DAB1: variants seen among roughly 807,000 people sequenced by gnomAD.
The protein encoded by DAB1 is disabled homolog 1.
In DAB1, 15 loss-of-function variants were observed where a neutral mutation model predicts 64.6. The ratio of observed to expected loss-of-function variants is 0.23; its 90% confidence interval spans 0.16 to 0.36. The LOEUF (loss-of-function observed/expected upper bound fraction) is 0.36. DAB1 is among the 10% of genes least tolerant of loss of function. The pLI, the probability that DAB1 is intolerant of heterozygous loss-of-function variation, is 1.00. For missense variants in DAB1, 596 were observed against 706.7 expected, an observed-to-expected ratio of 0.84 and a Z score of 1.78; for synonymous variants, 235 against 251.9, an observed-to-expected ratio of 0.93 and a Z score of 0.64.
chr1:58,173,398 C>T (rs1025860834), intron 4 of DAB1, among the ~76,000 whole-genome samples: 4 of 152,182 alleles, frequency 2.6e-5, no homozygotes, highest in Non-Finnish European at 4.4e-5. Context: ...CTCTTCCCTG[C>T]TTAACAAACA....
At chr1:58,384,384 G>C (rs969395828) in intron 3 of DAB1, among the ~76,000 whole-genome samples, 1 of 152,168 alleles carries the variant, frequency 6.6e-6, no homozygotes, top group Admixed American at 6.5e-5. Flanking sequence ...ATGAGGAGTT[G>C]TTGTTTAATG....
intron 3 of DAB1, among the ~76,000 whole-genome samples, chr1:58,387,798 C>T (rs2100552696): frequency 6.8e-6 from 1 of 146,888 alleles, no homozygotes. Flanking sequence ...GCAATCTCGG[C>T]TCACTGCAAG....
exon 1 of DAB1, chr1:57,884,023 C>T (rs2101973264): frequency 6.6e-6 from 1 of 152,302 alleles, no homozygotes; most frequent in Non-Finnish European, 1.5e-5. Flanking sequence ...ACAGTTCAGT[C>T]AATGTGTCCA....
rs1366219625 is a variant in DAB1 at position 57,308,259 on chromosome 1, GCAAA to G, written c.-136-17097_-136-17094del. Among the ~76,000 whole-genome samples the G allele has an allele frequency of 4.6e-5, 7 of 152,254 alleles. No homozygotes were observed. In the East Asian group the frequency reaches 1.4e-3, roughly 29 times the overall value. On this transcript the variant is annotated intron_variant, in intron 1 of 14. Coordinates refer to ENST00000371236, the MANE Select transcript of DAB1 (RefSeq NM_001365792.1). ...TTCCAGAGAGCAGCAAGCTAGTCCT[GCAAA>G]CAGTCATTCTCTTGACATCTGTGAT...
At chr1:58,411,310 C>T (rs1456791921) in intron 3 of DAB1, among the ~76,000 whole-genome samples, 1 of 152,116 alleles carries the variant, frequency 6.6e-6, no homozygotes, top group Non-Finnish European at 1.5e-5. Flanking sequence ...ATTATCTAGT[C>T]GCTGCAACAC....
intron 5 of DAB1, among the ~76,000 whole-genome samples, chr1:58,142,116 TGAATAAGAGGCATGGA>T (rs1188701295): frequency 6.6e-6 from 1 of 152,094 alleles, no homozygotes; most frequent in Non-Finnish European, 1.5e-5. Context: ...GCTCCATCCC[TGAATAAGAGGCATGGA>T]CACTCCTTCA....
chr1:57,057,904 G>T (rs190515214), intron 9 of DAB1, among the ~76,000 whole-genome samples: 4 of 152,072 alleles, frequency 2.6e-5, no homozygotes, highest in East Asian at 1.9e-4. Flanking sequence ...CACCGCGCCC[G>T]GCCTACTGAT....
chr1:58,417,520 G>C (rs560105804), intron 3 of DAB1, among the ~76,000 whole-genome samples: 1 of 151,946 alleles, frequency 6.6e-6, no homozygotes, highest in African/African-American at 2.4e-5. Context: ...CCCAGCAAGA[G>C]GCAATATCCA....
At chr1:58,346,829 T>A (rs1045351602) in intron 3 of DAB1, among the ~76,000 whole-genome samples, 2 of 152,224 alleles carry the variant, frequency 1.3e-5, no homozygotes, top group African/African-American at 4.8e-5. Context: ...TGTGAAATGC[T>A]TAAAACTCAT....
At chr1:57,771,598 A>G (rs139998763) in intron 6 of DAB1, among the ~76,000 whole-genome samples, 162 of 152,294 alleles carry the variant, frequency 1.1e-3, no homozygotes, top group Middle Eastern at 6.8e-3. Flanking sequence ...CATAATTTAT[A>G]TGACATGAAA....
chr1:57,207,446 CT>C (rs772989513), intron 2 of DAB1, among the ~76,000 whole-genome samples: 97 of 98,426 alleles, frequency 9.9e-4, no homozygotes, highest in Admixed American at 1.2e-3. Flanking sequence ...TATTTCCTTT[CT>C]TTTTTTTTTT....
chr1:57,209,573 G>A (rs1397910117), intron 2 of DAB1, among the ~76,000 whole-genome samples: 1 of 152,162 alleles, frequency 6.6e-6, no homozygotes. Flanking sequence ...TTCAAGGTAA[G>A]AGGACCACCC....
chr1:57,324,554 C>T (rs533700380), intron 1 of DAB1, among the ~76,000 whole-genome samples: 3 of 151,350 alleles, frequency 2.0e-5, no homozygotes, highest in African/African-American at 7.4e-5. Flanking sequence ...ATTAGCAGTG[C>T]GCATTAGAGA....
chr1:57,798,268 C>A (rs1373768079), intron 6 of DAB1, among the ~76,000 whole-genome samples: 1 of 152,174 alleles, frequency 6.6e-6, no homozygotes, highest in Non-Finnish European at 1.5e-5. Context: ...CAGAGAGCTG[C>A]GGTGACTTGC....
chr1:58,452,753 G>A (rs369028882), intron 3 of DAB1, among the ~76,000 whole-genome samples: 10 of 151,550 alleles, frequency 6.6e-5, no homozygotes, highest in Admixed American at 2.6e-4. Context: ...ACTTGAACCC[G>A]GGAGGTGGAG....
At chr1:58,133,767 T>G (rs1453129790) in intron 5 of DAB1, among the ~76,000 whole-genome samples, 2 of 152,212 alleles carry the variant, frequency 1.3e-5, no homozygotes, top group Admixed American at 6.5e-5. Flanking sequence ...TCTTTGATCA[T>G]TTACACTTGG....
Position 58,189,717 on chromosome 1 carries a change from C to T in DAB1, n.310-39129G>A, listed in dbSNP as rs191021491. ...ACCCTGGCTGAGGCACAAGAAGTCA[C>T]GGACTTGGCAACATGTATTTTCAAT... is the stretch of plus-strand genomic sequence containing the variant. On this transcript the variant is annotated intron_variant and non_coding_transcript_variant, in intron 4 of 20. Coordinates refer to the DAB1 transcript ENST00000485760. Among the ~76,000 whole-genome samples, 521 of 152,324 alleles carry T rather than the reference C, an allele frequency of 3.4e-3. 3 individuals are homozygous for T. Among genetic ancestry groups the T allele is most frequent in the Non-Finnish European group, 6.3e-3 (426 of 68,034 alleles).
At chr1:58,235,865 G>C (rs1570522334) in intron 4 of DAB1, among the ~76,000 whole-genome samples, 1 of 152,318 alleles carries the variant, frequency 6.6e-6, no homozygotes, top group East Asian at 1.9e-4. Context: ...GCAGGCCATT[G>C]ACATCCCAAA....
chr1:57,183,025 G>T (rs917626325), intron 2 of DAB1, among the ~76,000 whole-genome samples: 1 of 152,168 alleles, frequency 6.6e-6, no homozygotes, highest in Non-Finnish European at 1.5e-5. Context: ...ATACATAGAA[G>T]TTCTGTCGTA....
Sources: gnomAD v4.1 joint callset for allele counts (sites outside exome capture counted in the v4.1 genomes callset) on GRCh38, gnomAD v4.1.1 for gene constraint, MANE v1.5 for transcripts, NCBI Gene and HGNC (gene_info 2026-07-23, HGNC 2026-07-21) for gene names.